The following COL14A1 variants were observed in gnomAD, a reference collection of about 807,000 sequenced individuals.
COL14A1 encodes collagen alpha-1(XIV) chain.
A neutral mutation model predicts 230.3 loss-of-function variants in COL14A1; 136 were observed. The ratio of observed to expected loss-of-function variants is 0.59; its 90% CI spans 0.51 to 0.68. The LOEUF (loss-of-function observed/expected upper bound fraction) is 0.68, where lower values mean the gene tolerates loss of function less well. COL14A1 is among the 30% of genes least tolerant of loss of function. The probability of loss-of-function intolerance (pLI) is 0.00; values close to 1 mark genes in which losing one functional copy is unlikely to be tolerated. For synonymous variants in COL14A1, 792 were observed against 784.1 expected, an observed-to-expected ratio of 1.01 and a Z score of -0.17; for missense variants, 1,976 against 2,215.8, an observed-to-expected ratio of 0.89 and a Z score of 2.17.
In COL14A1 at chr8:120,321,485, GA is replaced by G. The variant is rs540087540; in HGVS notation, c.4659+5497del. ...GATACCCCGTCCCTACTAAAAATAC[GA>G]AAAAAAAATAGCTTGGCATGGTGGC... On this transcript the variant is annotated intron_variant, in intron 40 of 47. Transcript: ENST00000297848. Among the ~76,000 whole-genome samples, 46 of 149,104 alleles carry G rather than the reference GA, an allele frequency of 3.1e-4. 1 individual carries two copies. Among genetic ancestry groups the G allele is most frequent in the South Asian group, 2.8e-3 (13 of 4,674 alleles).
chr8:120,256,539 A>G (rs1406317116), intron 23 of COL14A1, among the ~76,000 whole-genome samples: 1 of 152,204 alleles, frequency 6.6e-6, no homozygotes, highest in Non-Finnish European at 1.5e-5. Flanking sequence ...CTATGATGTA[A>G]GGATCCTTCC....
intron 5 of COL14A1, among the ~76,000 whole-genome samples, chr8:120,175,926 G>C (rs1816267676): frequency 6.6e-6 from 1 of 151,974 alleles, no homozygotes; most frequent in Non-Finnish European, 1.5e-5. Flanking sequence ...ACCTACCTTT[G>C]AACATTTCTA....
At chr8:120,347,961 A>T (rs1822580377) in intron 45 of COL14A1, among the ~76,000 whole-genome samples, 1 of 152,174 alleles carries the variant, frequency 6.6e-6, no homozygotes, top group Non-Finnish European at 1.5e-5. Context: ...CACTGAAATG[A>T]GGCTCACTTT....
chr8:120,279,462 T>C (rs977151395), intron 28 of COL14A1, among the ~76,000 whole-genome samples: 1 of 151,782 alleles, frequency 6.6e-6, no homozygotes, highest in African/African-American at 2.4e-5. Context: ...ACATAAGTTA[T>C]GGCAAATAGT....
intron 19 of COL14A1, among the ~76,000 whole-genome samples, chr8:120,239,258 A>G (rs1818545458): frequency 6.6e-6 from 1 of 152,220 alleles, no homozygotes; most frequent in African/African-American, 2.4e-5. Context: ...GAGTCATAAA[A>G]TATGTTTATT....
chr8:120,171,904 G>T (rs961223), intron 5 of COL14A1, among the ~76,000 whole-genome samples: 1 of 151,370 alleles, frequency 6.6e-6, no homozygotes. Context: ...TAATATTTTG[G>T]GTTCCTTATA....
chr8:120,219,611 A>G (rs923088434), intron 14 of COL14A1, among the ~76,000 whole-genome samples: 3 of 152,106 alleles, frequency 2.0e-5, no homozygotes, highest in Non-Finnish European at 4.4e-5. Flanking sequence ...TCATTTCTCA[A>G]AGACCCCATC....
At chr8:120,221,315 A>C (rs1817927406) in intron 14 of COL14A1, among the ~76,000 whole-genome samples, 1 of 152,198 alleles carries the variant, frequency 6.6e-6, no homozygotes, top group Admixed American at 6.5e-5. Context: ...CATAACAATG[A>C]GATCATGGTT....
chr8:120,209,124 T>C (rs1817538094), intron 11 of COL14A1, among the ~76,000 whole-genome samples: 1 of 152,164 alleles, frequency 6.6e-6, no homozygotes, highest in African/African-American at 2.4e-5. Flanking sequence ...ATGCCCTCAC[T>C]TTGCAGAAAT....
chr8:120,327,810 A>G (rs897842570), intron 40 of COL14A1, among the ~76,000 whole-genome samples: 9 of 149,036 alleles, frequency 6.0e-5, no homozygotes, highest in Non-Finnish European at 1.2e-4. Context: ...TTTGTCACCC[A>G]CTGGAGTGCA....
chr8:120,141,224 C>T (rs182696024), intron 1 of COL14A1, among the ~76,000 whole-genome samples: 1 of 152,218 alleles, frequency 6.6e-6, no homozygotes, highest in Non-Finnish European at 1.5e-5. Context: ...TATTGCTCAT[C>T]CTAACTTAAA....
At chr8:120,368,916 T>C (rs1823496093) in intron 46 of COL14A1, among the ~76,000 whole-genome samples, 1 of 152,192 alleles carries the variant, frequency 6.6e-6, no homozygotes, top group Non-Finnish European at 1.5e-5. Context: ...CTATTCTAAC[T>C]AGATGATGAG....
chr8:120,260,746 A>C (rs958973153), intron 23 of COL14A1, among the ~76,000 whole-genome samples: 3 of 152,186 alleles, frequency 2.0e-5, no homozygotes, highest in African/African-American at 4.8e-5. Flanking sequence ...AAAACACTTG[A>C]AACTCTTCAA....
At chr8:120,282,050 G>C (rs191800071) in intron 31 of COL14A1, among the ~76,000 whole-genome samples, 1 of 152,066 alleles carries the variant, frequency 6.6e-6, no homozygotes, top group African/African-American at 2.4e-5. Flanking sequence ...ATGCTGGTGC[G>C]CTGCACCCAC....
chr8:120,222,351 T>C (rs1586779991), intron 14 of COL14A1, among the ~76,000 whole-genome samples: 1 of 152,238 alleles, frequency 6.6e-6, no homozygotes, highest in Admixed American at 6.5e-5. Context: ...TAACCAACAC[T>C]ACAGCTTAAA....
chr8:120,130,773 G>A (rs759657147), intron 1 of COL14A1, among the ~76,000 whole-genome samples: 5 of 152,098 alleles, frequency 3.3e-5, no homozygotes, highest in Non-Finnish European at 7.4e-5. Flanking sequence ...TTATGACATA[G>A]GTATATGTGT....
At chr8:120,153,635 C>G (rs1398569878) in intron 2 of COL14A1, among the ~76,000 whole-genome samples, 5 of 152,160 alleles carry the variant, frequency 3.3e-5, no homozygotes. Flanking sequence ...TAAAAACTCT[C>G]AATGTGATTC....
At chr8:120,347,619 C>T (rs1822567739) in intron 45 of COL14A1, among the ~76,000 whole-genome samples, 1 of 152,108 alleles carries the variant, frequency 6.6e-6, no homozygotes, top group Non-Finnish European at 1.5e-5. Flanking sequence ...TGTCTTTCCA[C>T]TAAGTCAAAA....
intron 21 of COL14A1, among the ~76,000 whole-genome samples, chr8:120,249,012 G>A (rs1483039719): frequency 1.6e-5 from 2 of 124,426 alleles, no homozygotes; most frequent in Non-Finnish European, 3.2e-5. Context: ...TGCAAGCTCC[G>A]CCTCCCGGGT....
Sources: gnomAD v4.1 joint callset for allele counts (sites outside exome capture counted in the v4.1 genomes callset) on GRCh38, gnomAD v4.1.1 for gene constraint, MANE v1.5 for transcripts, NCBI Gene and HGNC (gene_info 2026-07-23, HGNC 2026-07-21) for gene names.